The following PEAK1 variants were observed in gnomAD, a reference collection of about 807,000 sequenced individuals.
PEAK1 encodes pseudopodium enriched atypical kinase 1.
Under a neutral mutation model 124.7 loss-of-function variants are expected in PEAK1, and 54 were observed. The ratio of observed to expected loss-of-function variants is 0.43; its 90% CI spans 0.35 to 0.54. The LOEUF (loss-of-function observed/expected upper bound fraction) is 0.54, where lower values mean the gene tolerates loss of function less well. PEAK1 is among the 20% of genes least tolerant of loss of function. The pLI is 0.01. For synonymous variants in PEAK1, 719 were observed against 760.0 expected (o/e 0.95, Z 0.89); for missense variants, 2,046 against 2,134.5 (o/e 0.96, Z 0.82).
intron 1 of PEAK1, among the ~76,000 whole-genome samples, chr15:77,385,455 T>C (rs1194265747): frequency 1.3e-5 from 2 of 152,188 alleles, no homozygotes; most frequent in African/African-American, 4.8e-5. Context: ...ATTAAACAAA[T>C]ATCTGAGGAA....
At chr15:77,300,223 T>C (rs2063716550) in intron 2 of PEAK1, among the ~76,000 whole-genome samples, 1 of 152,138 alleles carries the variant, frequency 6.6e-6, no homozygotes, top group African/African-American at 2.4e-5. Context: ...TTGTTTAGAA[T>C]GAATAACTGC....
At chr15:77,242,161 C>T (rs1054231537) in intron 6 of PEAK1, among the ~76,000 whole-genome samples, 3 of 152,020 alleles carry the variant, frequency 2.0e-5, no homozygotes, top group Non-Finnish European at 4.4e-5. Context: ...AGTATTTGCA[C>T]ACATCTTTAT....
In PEAK1 at chr15:77,355,900, C is replaced by T. The variant is rs1459724372; in HGVS notation, c.-603+9263G>A. The stretch of plus-strand genomic sequence containing the variant: ...GAAAAATGGAGAGAACTCAGAAAAA[C>T]CCCTGGGTTGACTAGGACCCCTGTG... On this transcript the variant is annotated intron_variant, in intron 2 of 9. Transcript: ENST00000682557. The T allele has an allele frequency of 1.1e-5, 11 of 985,260 alleles. No individual in the cohort carries two copies. In the East Asian group the frequency reaches 1.2e-3, roughly 112 times the overall value. The allele number at this position is 985,260 out of a possible 1,614,324, so 61.0% of individuals were successfully genotyped here.
chr15:77,323,019 C>A (rs2065330124), intron 2 of PEAK1, among the ~76,000 whole-genome samples: 1 of 152,110 alleles, frequency 6.6e-6, no homozygotes. Context: ...ATAAACAGAA[C>A]CAAAGACAAA....
intron 1 of PEAK1, chr15:77,417,523 C>G: frequency 1.0e-6 from 1 of 985,074 alleles, no homozygotes; most frequent in Non-Finnish European, 1.2e-6. Flanking sequence ...CAGAATAACG[C>G]TCATCACACA....
intron 6 of PEAK1, among the ~76,000 whole-genome samples, chr15:77,252,067 G>A (rs544357886): frequency 6.6e-6 from 1 of 152,136 alleles, no homozygotes. Context: ...ATCCCTCATG[G>A]GCTAAGCTCT....
At chr15:77,222,779 G>A (rs1027690861) in intron 6 of PEAK1, among the ~76,000 whole-genome samples, 2 of 151,986 alleles carry the variant, frequency 1.3e-5, no homozygotes, top group African/African-American at 2.4e-5. Flanking sequence ...ATGTCTTCCA[G>A]AGGCTATTTT....
chr15:77,347,668 A>G (rs938953732), intron 2 of PEAK1: 13 of 974,516 alleles, frequency 1.3e-5, no homozygotes, highest in Non-Finnish European at 1.6e-5. Context: ...ACATAAAACA[A>G]CACCCTCCTA....
rs2061487055 is a variant in PEAK1, at chr15:77,262,379, GAC to G, written c.-274-9855_-274-9854del. Among the ~76,000 whole-genome samples the G allele has an allele frequency of 2.6e-5, 4 of 152,094 alleles. No homozygotes were observed. In the South Asian group the frequency reaches 8.3e-4, roughly 32 times the overall value. On this transcript the variant is annotated intron_variant, in intron 5 of 9. Coordinates refer to ENST00000682557, the MANE Select transcript of PEAK1 (RefSeq NM_001385026.1). ...TCAGGAAACCCATCTCACATGCAGA[GAC>G]ACACGTAGGCTCAAAATAAAGGGAT... is the stretch of plus-strand genomic sequence containing the variant.
At chr15:77,208,801 T>C (rs931290957) in intron 6 of PEAK1, among the ~76,000 whole-genome samples, 2 of 152,282 alleles carry the variant, frequency 1.3e-5, no homozygotes, top group Non-Finnish European at 2.9e-5. Flanking sequence ...TACTTAACTA[T>C]AGAGAACTAA....
At chr15:77,246,472 G>A (rs528630094) in intron 6 of PEAK1, among the ~76,000 whole-genome samples, 14 of 152,072 alleles carry the variant, frequency 9.2e-5, no homozygotes, top group Middle Eastern at 6.8e-3. Flanking sequence ...TACAGTGAGC[G>A]GTCTGGACCT....
Position 77,133,439 on chromosome 15 carries a change from A to G in PEAK1, c.3643T>C (p.Tyr1215His). ...YELKGLDIES[Y>H]DSLERPLRKE... The stretch of plus-strand genomic sequence containing the variant: ...CGCAAAGGCCTTTCCAAGGAGTCAT[A>G]AGACTCAATGTCCAGTCCTTTGAGT... Residue 1215 changes from tyrosine (Y) to histidine (H), a missense_variant, in exon 9 of 10, where the codon TAT (tyrosine) becomes CAT (histidine). Physicochemically the swap from Tyr to His is moderately conservative, Grantham distance 83 (BLOSUM62 2). Coordinates refer to ENST00000682557, the MANE Select transcript of PEAK1 (RefSeq NM_001385026.1). This position sits in a 1 kb window ranked among gnomAD's most constrained non-coding sequence, Gnocchi z 4.2. 6.2e-7 allele frequency: 1 copy of G among 1,614,224 alleles called. No homozygotes were observed. The highest frequency in any genetic ancestry group is 8.5e-7 in the Non-Finnish European group (1 of 1,180,042).
At chr15:77,254,420 T>C (rs1048976738) in intron 5 of PEAK1, among the ~76,000 whole-genome samples, 2 of 152,026 alleles carry the variant, frequency 1.3e-5, no homozygotes, top group Admixed American at 6.6e-5. Context: ...TAAGCAGCAA[T>C]GAGTATTTAT....
rs2050861512 is a variant in PEAK1 at position 77,109,409 on chromosome 15, A to T, written c.*4747T>A. 1 of 152,210 alleles carries T rather than the reference A, an allele frequency of 6.6e-6. No homozygotes were observed. Among genetic ancestry groups the T allele is most frequent in the Non-Finnish European group, 1.5e-5 (1 of 68,028 alleles). The allele number at this position is 152,210 out of a possible 1,614,324, so 9.4% of individuals were successfully genotyped here. A position where few individuals can be genotyped will look rare whatever the true frequency, so the allele number is the denominator to read the frequency against. On this transcript the variant is annotated 3_prime_UTR_variant, in exon 10 of 10. Coordinates refer to ENST00000682557, the MANE Select transcript of PEAK1 (RefSeq NM_001385026.1). The stretch of plus-strand genomic sequence containing the variant: ...ATGGATTTATCAGCTAAATGCCTTG[A>T]CATGGAATGTATGTGAACTCCCCTC...
At chr15:77,227,961 G>C (rs557823237) in intron 6 of PEAK1, among the ~76,000 whole-genome samples, 2 of 151,936 alleles carry the variant, frequency 1.3e-5, no homozygotes, top group East Asian at 3.9e-4. Context: ...ACATCACTGC[G>C]CTCCAGCCTG....
At chr15:77,197,858 A>G (rs923013737) in intron 6 of PEAK1, among the ~76,000 whole-genome samples, 1 of 152,182 alleles carries the variant, frequency 6.6e-6, no homozygotes, top group Non-Finnish European at 1.5e-5. Flanking sequence ...TTTTCAATAA[A>G]TATATTGGAA....
At chr15:77,343,475 C>T (rs1042709934) in intron 2 of PEAK1, among the ~76,000 whole-genome samples, 1 of 137,120 alleles carries the variant, frequency 7.3e-6, no homozygotes, top group African/African-American at 2.6e-5. Context: ...TAGTAAAGTC[C>T]AACTTACTTT....
At chr15:77,149,527 T>TG (rs1294738896) in intron 8 of PEAK1, among the ~76,000 whole-genome samples, 1 of 152,192 alleles carries the variant, frequency 6.6e-6, no homozygotes, top group East Asian at 1.9e-4. Context: ...TGCATGCAAA[T>TG]GACTTGTTGA....
chr15:77,223,787 GA>G (rs1399860412), intron 6 of PEAK1, among the ~76,000 whole-genome samples: 1 of 151,228 alleles, frequency 6.6e-6, no homozygotes, highest in Non-Finnish European at 1.5e-5. Flanking sequence ...TCTCTTCACT[GA>G]AAACAGTAGC....
Sources: gnomAD v4.1 joint callset for allele counts (sites outside exome capture counted in the v4.1 genomes callset) on GRCh38, gnomAD v4.1.1 for gene constraint, Gnocchi (gnomAD v3.1) non-coding constraint, MANE v1.5 for transcripts, NCBI Gene and HGNC (gene_info 2026-07-23, HGNC 2026-07-21) for gene names.